ADGRV1: variants seen among roughly 807,000 people sequenced by gnomAD.
The protein encoded by ADGRV1 is adhesion G protein-coupled receptor V1.
ADGRV1 carries 359 observed loss-of-function variants against 596.2 expected under a neutral mutation model. That is an observed-to-expected ratio of 0.60 (90% CI 0.55 to 0.66). The LOEUF (loss-of-function observed/expected upper bound fraction) is 0.66, where lower values mean the gene tolerates loss of function less well. ADGRV1 is among the 30% of genes least tolerant of loss of function. ADGRV1 has a pLI of 0.00. For missense variants in ADGRV1, 7,274 were observed against 7,575.6 expected, an observed-to-expected ratio of 0.96 and a Z score of 1.48; for synonymous variants, 2,681 against 2,679.2, an observed-to-expected ratio of 1.00 and a Z score of -0.02.
chr5:90,750,648 C>T lies in ADGRV1; in HGVS notation c.11072C>T (p.Ala3691Val). 5 of 1,612,262 alleles carry T rather than the reference C, an allele frequency of 3.1e-6. No homozygotes were observed. Among genetic ancestry groups the T allele is most frequent in the Non-Finnish European group, 4.2e-6 (5 of 1,178,422 alleles). Residue 3691 changes from alanine to valine, a missense_variant, in exon 53 of 90, where the codon GCA (alanine) becomes GTA (valine). By Grantham distance (64) the Ala-to-Val change is moderately conservative (BLOSUM62 0). Coordinates refer to ENST00000405460, the MANE Select transcript of ADGRV1 (RefSeq NM_032119.4). ...LKGTYGRITI[A>V]WEADGSISDI... ...GGAACATATGGCCGTATAACCATAG[C>T]ATGGGAAGCTGATGGAAGTATTAGT...
In ADGRV1 at chr5:90,706,314, G is replaced by A; in HGVS notation, c.8650G>A (p.Val2884Ile). The change falls in exon 38 of 90, where the codon GTT (valine) becomes ATT (isoleucine). Residue 2884 changes from valine to isoleucine, a missense_variant. Val to Ile is a conservative substitution (Grantham distance 29). Transcript: ENST00000405460. Reference sequence around the variant, plus strand: ...AGTAGGAAACCTAGCAGAGCCAGAAGTTGATTTTGTCCCTATCATTGGCTT... The same window carrying A: ...AGTAGGAAACCTAGCAGAGCCAGAAATTGATTTTGTCCCTATCATTGGCTT... The part of the protein sequence containing the change: ...QTVGNLAEPE[V>I]DFVPIIGFLI... The A allele has an allele frequency of 6.2e-7, 1 of 1,613,402 alleles. No homozygotes were observed. The highest frequency in any genetic ancestry group is 8.5e-7 in the Non-Finnish European group (1 of 1,179,608).
intron 85 of ADGRV1, among the ~76,000 whole-genome samples, chr5:91,026,914 G>A (rs1456818511): frequency 1.3e-5 from 2 of 151,990 alleles, no homozygotes; most frequent in Admixed American, 1.3e-4. Context: ...AGCCGAGGCA[G>A]GCAGATCACT....
chr5:91,115,492 C>G (rs770571216), intron 87 of ADGRV1, among the ~76,000 whole-genome samples: 23 of 152,174 alleles, frequency 1.5e-4, no homozygotes, highest in Non-Finnish European at 3.1e-4. Context: ...AGCTGATGAA[C>G]TGTACTTTTT....
intron 83 of ADGRV1, among the ~76,000 whole-genome samples, chr5:90,938,271 T>C (rs531826827): frequency 1.8e-4 from 27 of 152,344 alleles, no homozygotes; most frequent in African/African-American, 6.5e-4. Flanking sequence ...AAAGCAACCT[T>C]TTCTTTCCTT....
At chr5:91,093,585 A>C (rs1161624397) in intron 86 of ADGRV1, among the ~76,000 whole-genome samples, 1 of 152,218 alleles carries the variant, frequency 6.6e-6, no homozygotes, top group Non-Finnish European at 1.5e-5. Context: ...TAGTGCACTT[A>C]ATAACCTTGG....
chr5:90,973,042 TACAG>T (rs1399641991), intron 84 of ADGRV1, among the ~76,000 whole-genome samples: 3 of 152,106 alleles, frequency 2.0e-5, no homozygotes, highest in Non-Finnish European at 4.4e-5. Context: ...CCCACAGAAA[TACAG>T]ACTACCATCA....
At chr5:90,953,736 A>G (rs915268225) in intron 83 of ADGRV1, among the ~76,000 whole-genome samples, 5 of 152,124 alleles carry the variant, frequency 3.3e-5, no homozygotes, top group African/African-American at 9.6e-5. Context: ...TGAATTGAAA[A>G]TAATTATAAA....
intron 53 of ADGRV1, 57 bp from the exon 54 acceptor site, chr5:90,753,517 C>T (rs544207603): frequency 6.1e-5 from 78 of 1,275,438 alleles, no homozygotes; most frequent in South Asian, 5.8e-4. Context: ...TTAAAATATT[C>T]TTACTACATA....
rs1247514195 is a variant in ADGRV1, at chr5:90,690,974, C to T, written c.6884C>T (p.Ala2295Val). 1.5e-5 allele frequency: 24 copies of T among 1,613,694 alleles called. No individual in the cohort carries two copies. Among genetic ancestry groups the T allele is most frequent in the Non-Finnish European group, 2.0e-5 (24 of 1,179,802 alleles). ...LRVVSGNVTF[A>V]PGETIQTLLL... ...GTTGTCTCAGGTAATGTGACCTTTG[C>T]CCCTGGGGAAACCATTCAAACCTTG... Residue 2295 changes from alanine to valine, a missense_variant, in exon 31 of 90, where the codon GCC becomes GTC. Around this residue, in one of 5 missense-constraint regions of ADGRV1, gnomAD observed 3,643 missense variants for 3,809.2 expected, o/e 0.96. Coordinates refer to ENST00000405460, the MANE Select transcript of ADGRV1 (RefSeq NM_032119.4).
At chr5:90,893,725 T>G (rs1771043272) in intron 83 of ADGRV1, among the ~76,000 whole-genome samples, 1 of 152,234 alleles carries the variant, frequency 6.6e-6, no homozygotes, top group African/African-American at 2.4e-5. Context: ...TTCAGTGTGT[T>G]GTAAAAGAAT....
At chr5:90,828,087 A>T (rs1764211211) in intron 76 of ADGRV1, among the ~76,000 whole-genome samples, 1 of 152,168 alleles carries the variant, frequency 6.6e-6, no homozygotes, top group Admixed American at 6.6e-5. Flanking sequence ...AAAACAGGTG[A>T]TTGCCAATAT....
intron 30 of ADGRV1, 21 bp from the exon 31 acceptor site, chr5:90,690,776 T>A: frequency 6.3e-7 from 1 of 1,581,560 alleles, no homozygotes; most frequent in East Asian, 2.3e-5. Context: ...TGAAATGAAC[T>A]CTGCTCTGTC....
At chr5:90,653,089 T>C (rs1481552708) in intron 19 of ADGRV1, 120 bp from the exon 20 acceptor site, 8 of 931,146 alleles carry the variant, frequency 8.6e-6, no homozygotes, top group East Asian at 5.3e-5. Flanking sequence ...CTACTTTTCA[T>C]TGATAATGAG....
rs1390150305 is a variant in ADGRV1, at chr5:90,685,773, C to T, written c.6275-7C>T. The T allele has an allele frequency of 1.3e-6, 2 of 1,597,626 alleles. No homozygotes were observed. The highest frequency in any genetic ancestry group is 2.7e-5 in the African/African-American group (2 of 74,682). On this transcript the variant is annotated splice_polypyrimidine_tract_variant and splice_region_variant and intron_variant, in intron 28 of 89. Coordinates refer to ENST00000405460, the MANE Select transcript of ADGRV1 (RefSeq NM_032119.4). ...TCTGTGTTCTGTGTGGATCTTCTGT[C>T]TTTCAGTTCCAAATTCTCCACGTCT...
At chr5:90,626,042 T>A (rs1051163511) in intron 6 of ADGRV1, 3 of 152,112 alleles carry the variant, frequency 2.0e-5, no homozygotes, top group Admixed American at 6.6e-5. Flanking sequence ...TGCAAGGATG[T>A]CCCCCACATG....
chr5:91,031,304 T>C, intron 85 of ADGRV1: 1 of 1,463,816 alleles, frequency 6.8e-7, no homozygotes, highest in Non-Finnish European at 9.6e-7. Context: ...TCAAACATAG[T>C]AAAATGCTGC....
intron 83 of ADGRV1, among the ~76,000 whole-genome samples, chr5:90,883,954 G>C (rs1274594904): frequency 6.6e-6 from 1 of 152,124 alleles, no homozygotes; most frequent in African/African-American, 2.4e-5. Context: ...ATCATCCATA[G>C]CATTCCTTAT....
intron 5 of ADGRV1, 43 bp downstream of exon 5, chr5:90,622,744 T>G (rs1393492729): frequency 1.1e-6 from 1 of 933,816 alleles, no homozygotes; most frequent in Admixed American, 3.1e-5. Flanking sequence ...TATTTTTATT[T>G]TTATTTATTT....
chr5:90,576,955 A>G (rs1423718457), intron 1 of ADGRV1, among the ~76,000 whole-genome samples: 1 of 151,932 alleles, frequency 6.6e-6, no homozygotes, highest in Non-Finnish European at 1.5e-5. Flanking sequence ...CCACTTTTTG[A>G]TGGGGTTGTT....
Sources: allele counts gnomAD v4.1 joint callset (sites outside exome capture counted in the v4.1 genomes callset), GRCh38; gene constraint gnomAD v4.1.1; regional missense constraint gnomAD v4.1.1; transcripts MANE v1.5; gene names NCBI Gene and HGNC (gene_info 2026-07-23, HGNC 2026-07-21).